Variants in OCIAD2 observed in about 807,000 individuals in gnomAD.
OCIAD2 encodes the protein OCIA domain-containing protein 2.
In OCIAD2, 29 loss-of-function variants were observed where a neutral mutation model predicts 22.9. That is an observed-to-expected ratio of 1.27 (90% confidence interval 0.94 to 1.73). The LOEUF is 1.73. Among genes scored for constraint, OCIAD2 ranks in the 40% most tolerant of loss-of-function variants. The pLI is 0.00. For missense variants in OCIAD2, 189 were observed against 180.3 expected (o/e 1.05, Z -0.28); for synonymous variants, 67 against 60.2 (o/e 1.11, Z -0.52).
At chr4:48,900,213 G>A (rs1781387109) in intron 2 of OCIAD2, among the ~76,000 whole-genome samples, 1 of 151,022 alleles carries the variant, frequency 6.6e-6, no homozygotes, top group Admixed American at 6.6e-5. Context: ...CCCTGCTGAG[G>A]CCACATTTCC....
At chr4:48,903,872 C>G (rs1227204297) in intron 2 of OCIAD2, among the ~76,000 whole-genome samples, 2 of 151,910 alleles carry the variant, frequency 1.3e-5, no homozygotes, top group Non-Finnish European at 2.9e-5. Context: ...GTCTCGATCT[C>G]TTGACCTCGT....
intron 2 of OCIAD2, among the ~76,000 whole-genome samples, chr4:48,903,200 A>G (rs1349366216): frequency 2.0e-5 from 3 of 152,224 alleles, no homozygotes; most frequent in Admixed American, 1.3e-4. Context: ...TGAAATACAC[A>G]ATATCCATTC....
intron 6 of OCIAD2, among the ~76,000 whole-genome samples, chr4:48,890,022 C>T (rs996543783): frequency 1.3e-4 from 19 of 147,996 alleles, no homozygotes; most frequent in East Asian, 2.0e-4. Flanking sequence ...AACCAAACAC[C>T]GCATGTTCTC....
chr4:48,904,928 A>T (rs1781495116), intron 1 of OCIAD2, among the ~76,000 whole-genome samples: 1 of 152,222 alleles, frequency 6.6e-6, no homozygotes, highest in Non-Finnish European at 1.5e-5. Context: ...AAAAGGGGAG[A>T]TAGACAAGTC....
chr4:48,899,004 G>A (rs1236145536), intron 3 of OCIAD2, among the ~76,000 whole-genome samples: 3 of 152,118 alleles, frequency 2.0e-5, no homozygotes, highest in Non-Finnish European at 2.9e-5. Context: ...CTCATAAGTT[G>A]TCAGAAAACA....
intron 3 of OCIAD2, among the ~76,000 whole-genome samples, chr4:48,898,747 T>C (rs1036516837): frequency 3.3e-5 from 5 of 152,244 alleles, no homozygotes; most frequent in African/African-American, 1.2e-4. Context: ...TAAACATGTG[T>C]AATGTTTAGC....
intron 6 of OCIAD2, among the ~76,000 whole-genome samples, chr4:48,886,324 C>T (rs1168257558): frequency 2.6e-5 from 4 of 152,126 alleles, no homozygotes; most frequent in African/African-American, 7.2e-5. Context: ...GTTTTGGTTA[C>T]TGTAGCCTTG....
chr4:48,897,862 A>G lies in OCIAD2; in HGVS notation c.164-5T>C. ...TTACAAGAGAAAAAGGCAGAGCTGTAAAGCAAAAATGTCCTTCAATATTGG... is the reference window on the plus strand; with the variant it reads ...TTACAAGAGAAAAAGGCAGAGCTGTGAAGCAAAAATGTCCTTCAATATTGG... On this transcript the variant is annotated splice_region_variant and splice_polypyrimidine_tract_variant and intron_variant, in intron 3 of 6. Transcript: ENST00000508632. The G allele has an allele frequency of 6.2e-7, 1 of 1,611,312 alleles. No homozygotes were observed.
intron 4 of OCIAD2, among the ~76,000 whole-genome samples, chr4:48,897,422 A>G (rs1404027262): frequency 2.6e-5 from 4 of 152,112 alleles, no homozygotes; most frequent in Non-Finnish European, 5.9e-5. Context: ...TTCAAGGCCA[A>G]CAATGTTGAG....
At chr4:48,905,511 A>C (rs1781505880) in intron 1 of OCIAD2, among the ~76,000 whole-genome samples, 1 of 152,064 alleles carries the variant, frequency 6.6e-6, no homozygotes, top group Non-Finnish European at 1.5e-5. Flanking sequence ...GGAGTGAATC[A>C]TCAACACCAT....
intron 6 of OCIAD2, among the ~76,000 whole-genome samples, chr4:48,892,184 T>G (rs1781193581): frequency 1.3e-5 from 2 of 152,270 alleles, no homozygotes; most frequent in Non-Finnish European, 1.5e-5. Flanking sequence ...GAGCACTTAC[T>G]GAGTGTCATG....
chr4:48,905,848 A>G (rs1219861334), intron 1 of OCIAD2, among the ~76,000 whole-genome samples: 1 of 152,088 alleles, frequency 6.6e-6, no homozygotes, highest in Admixed American at 6.6e-5. Context: ...GTGACTCTTT[A>G]CCCCTGCGAT....
intron 6 of OCIAD2, among the ~76,000 whole-genome samples, chr4:48,891,858 G>A (rs1157622169): frequency 6.6e-6 from 1 of 152,182 alleles, no homozygotes; most frequent in East Asian, 1.9e-4. Flanking sequence ...ATGATCTGAG[G>A]TGACAGACCA....
At chr4:48,889,005 C>T (rs1220125260) in intron 6 of OCIAD2, among the ~76,000 whole-genome samples, 1 of 152,180 alleles carries the variant, frequency 6.6e-6, no homozygotes, top group Non-Finnish European at 1.5e-5. Flanking sequence ...ATTATTGCCT[C>T]AATTTCAGAG....
intron 2 of OCIAD2, among the ~76,000 whole-genome samples, 166 bp downstream of exon 2, chr4:48,904,318 C>T (rs1482051253): frequency 6.6e-6 from 1 of 152,102 alleles, no homozygotes; most frequent in African/African-American, 2.4e-5. Flanking sequence ...GGCATGTGGG[C>T]CTGCACCTGT....
At chr4:48,904,660 C>G (rs1781490550) in intron 1 of OCIAD2, 49 bp from the exon 2 acceptor site, 1 of 1,029,278 alleles carries the variant, frequency 9.7e-7, no homozygotes. Context: ...ATGTTTGCAT[C>G]AAGCTTAAAA....
At chr4:48,889,540 T>C (rs978867236) in intron 6 of OCIAD2, among the ~76,000 whole-genome samples, 4 of 152,002 alleles carry the variant, frequency 2.6e-5, no homozygotes, top group Admixed American at 2.6e-4. Flanking sequence ...GAAATGCAAA[T>C]CAAAACCACA....
intron 1 of OCIAD2, among the ~76,000 whole-genome samples, 158 bp downstream of exon 1, chr4:48,906,500 G>GC (rs994100064): frequency 2.0e-5 from 3 of 152,196 alleles, no homozygotes; most frequent in Non-Finnish European, 4.4e-5. Context: ...AAGCTCCCCA[G>GC]CCCCTCGCCC....
intron 5 of OCIAD2, chr4:48,893,786 G>A (rs1040044713): frequency 8.9e-5 from 26 of 292,622 alleles, no homozygotes; most frequent in African/African-American, 5.3e-4. Flanking sequence ...AGTTTAGTTA[G>A]GCTGGACATT....
Sources: gnomAD v4.1 joint callset for allele counts (sites outside exome capture counted in the v4.1 genomes callset) on GRCh38, gnomAD v4.1.1 for gene constraint, MANE v1.5 for transcripts, NCBI Gene and HGNC (gene_info 2026-07-23, HGNC 2026-07-21) for gene names.